TNFSF4: variants seen among roughly 807,000 people sequenced by gnomAD.
TNFSF4 encodes the protein TNF superfamily member 4.
TNFSF4 carries 4 observed loss-of-function variants against 7.3 expected under a neutral mutation model. That is an observed-to-expected ratio of 0.55 (90% CI 0.27 to 1.25). TNFSF4 has a LOEUF of 1.25. TNFSF4 is among the 50% of genes most tolerant of loss of function. The pLI, the probability that TNFSF4 is intolerant of heterozygous loss-of-function variation, is 0.12. For missense variants in TNFSF4, 181 were observed against 208.8 expected, an observed-to-expected ratio of 0.87 and a Z score of 0.82; for synonymous variants, 76 against 83.7, an observed-to-expected ratio of 0.91 and a Z score of 0.50.
the TNFSF4 span, among the ~76,000 whole-genome samples, chr1:173,279,621 G>A: frequency 2.7e-4 from 41 of 152,170 alleles, no homozygotes; most frequent in East Asian, 3.9e-4. Flanking sequence ...AGTAGAAAAC[G>A]TGGCACCAGC....
At chr1:173,322,648 G>A in the TNFSF4 span, among the ~76,000 whole-genome samples, 1 of 152,106 alleles carries the variant, frequency 6.6e-6, no homozygotes, top group Non-Finnish European at 1.5e-5. Flanking sequence ...CAAAGAAAGG[G>A]GTGGCAGACG....
chr1:173,362,651 T>C, the TNFSF4 span: 1 of 441,116 alleles, frequency 2.3e-6, no homozygotes, highest in Non-Finnish European at 4.4e-6. Flanking sequence ...TGTCCATTCA[T>C]CCTGTAAAGT....
the TNFSF4 span, among the ~76,000 whole-genome samples, chr1:173,432,982 T>C: frequency 6.6e-6 from 1 of 152,246 alleles, no homozygotes; most frequent in Non-Finnish European, 1.5e-5. Flanking sequence ...AATATGTATG[T>C]ATGTACATAT....
At chr1:173,413,992 T>A in the TNFSF4 span, among the ~76,000 whole-genome samples, 1 of 152,128 alleles carries the variant, frequency 6.6e-6, no homozygotes, top group Non-Finnish European at 1.5e-5. Context: ...CTTAACACCC[T>A]ACAAATCACA....
the TNFSF4 span, among the ~76,000 whole-genome samples, chr1:173,303,096 CA>C: frequency 6.6e-6 from 1 of 151,848 alleles, no homozygotes; most frequent in Admixed American, 6.6e-5. Context: ...GCCTTCTGAC[CA>C]AGTTAGGTCA....
At chr1:173,229,818 G>A in the TNFSF4 span, among the ~76,000 whole-genome samples, 1 of 152,082 alleles carries the variant, frequency 6.6e-6, no homozygotes, top group Non-Finnish European at 1.5e-5. Flanking sequence ...AACCGACAAA[G>A]ATCAAAAGAG....
chr1:173,250,632 T>C, the TNFSF4 span, among the ~76,000 whole-genome samples: 1 of 152,140 alleles, frequency 6.6e-6, no homozygotes, highest in Admixed American at 6.5e-5. Flanking sequence ...GCTAAGTTTT[T>C]GTATTTTTAG....
chr1:173,322,939 C>T, the TNFSF4 span, among the ~76,000 whole-genome samples: 2 of 152,192 alleles, frequency 1.3e-5, no homozygotes, highest in African/African-American at 4.8e-5. Context: ...CTGCCTGCCT[C>T]TATAGACTCC....
At chr1:173,416,152 G>A in the TNFSF4 span, among the ~76,000 whole-genome samples, 43 of 152,276 alleles carry the variant, frequency 2.8e-4, no homozygotes, top group African/African-American at 9.4e-4. Flanking sequence ...AGGGTCTGTC[G>A]GTGAGATGTG....
At chr1:173,300,428 T>C in the TNFSF4 span, among the ~76,000 whole-genome samples, 8 of 151,860 alleles carry the variant, frequency 5.3e-5, no homozygotes, top group African/African-American at 1.7e-4. Flanking sequence ...CAGCCCTTAG[T>C]AGAATCTCAA....
chr1:173,326,909 G>A, the TNFSF4 span, among the ~76,000 whole-genome samples: 3 of 152,188 alleles, frequency 2.0e-5, no homozygotes, highest in Non-Finnish European at 4.4e-5. Flanking sequence ...TCATGGGTAG[G>A]AAGAATCAGT....
At chr1:173,208,119 A>G (rs1427976409), upstream of TNFSF4, among the ~76,000 whole-genome samples, 1 of 152,200 alleles carries the variant, frequency 6.6e-6, no homozygotes, top group Non-Finnish European at 1.5e-5. Flanking sequence ...CAGAACTTGG[A>G]AAGTAAGAGT....
the TNFSF4 span, among the ~76,000 whole-genome samples, chr1:173,376,019 C>T: frequency 1.3e-5 from 2 of 152,180 alleles, no homozygotes; most frequent in African/African-American, 2.4e-5. Flanking sequence ...GTCCCTCTGG[C>T]TTTCTGTTTC....
the TNFSF4 span, among the ~76,000 whole-genome samples, chr1:173,379,793 A>AAC: frequency 6.6e-6 from 1 of 152,352 alleles, no homozygotes; most frequent in Admixed American, 6.5e-5. Context: ...AGGGCTTGTT[A>AAC]TCAGTGTGGT....
chr1:173,438,769 T>A, the TNFSF4 span, among the ~76,000 whole-genome samples: 1 of 152,198 alleles, frequency 6.6e-6, no homozygotes, highest in Non-Finnish European at 1.5e-5. Flanking sequence ...ATGCTTAAGG[T>A]CTGAAGAAAG....
the TNFSF4 span, among the ~76,000 whole-genome samples, chr1:173,433,655 A>C: frequency 2.0e-5 from 3 of 152,014 alleles, no homozygotes; most frequent in African/African-American, 7.2e-5. Flanking sequence ...GTGAGCTATG[A>C]TCATGCCTCT....
chr1:173,275,099 C>T, the TNFSF4 span, among the ~76,000 whole-genome samples: 1 of 152,210 alleles, frequency 6.6e-6, no homozygotes, highest in South Asian at 2.1e-4. Flanking sequence ...AAACAACAAG[C>T]CCAAACTGAT....
chr1:173,329,741 G>C, the TNFSF4 span, among the ~76,000 whole-genome samples: 1 of 151,904 alleles, frequency 6.6e-6, no homozygotes, highest in Non-Finnish European at 1.5e-5. Context: ...TCTGTTATCT[G>C]TAAACAGCCT....
the TNFSF4 span, among the ~76,000 whole-genome samples, chr1:173,257,223 G>A: frequency 2.0e-5 from 3 of 152,288 alleles, no homozygotes; most frequent in African/African-American, 4.8e-5. Context: ...TGTATGATGC[G>A]GATTCTGATG....
Sources: allele counts gnomAD v4.1 joint callset (sites outside exome capture counted in the v4.1 genomes callset), GRCh38; gene constraint gnomAD v4.1.1; transcripts MANE v1.5; gene names NCBI Gene and HGNC (gene_info 2026-07-23, HGNC 2026-07-21).